Variants in TRPM1 observed in about 807,000 individuals in gnomAD.
TRPM1 encodes the protein TRPM1-203 APA Isoform, Intron 10.
TRPM1 carries 113 observed loss-of-function variants against 149.4 expected under a neutral mutation model. That is an observed-to-expected ratio of 0.76 (90% CI 0.65 to 0.88). TRPM1 has a LOEUF of 0.88. Ranked by LOEUF, TRPM1 falls within the 40% of genes least tolerant of loss-of-function variation. TRPM1 has a pLI of 0.00. For missense variants in TRPM1, 1,976 were observed against 2,038.7 expected, an observed-to-expected ratio of 0.97 and a Z score of 0.59; for synonymous variants, 741 against 759.5, an observed-to-expected ratio of 0.98 and a Z score of 0.40.
At chr15:31,003,182 G>C in intron 27 of TRPM1, 112 bp from the exon 28 acceptor site, 1 of 932,136 alleles carries the variant, frequency 1.1e-6, no homozygotes, top group Non-Finnish European at 1.6e-6. Context: ...ATATGGAACT[G>C]TTTGAGTATA....
intron 1 of TRPM1, among the ~76,000 whole-genome samples, chr15:31,149,240 T>G (rs2036261318): frequency 6.6e-6 from 1 of 152,154 alleles, no homozygotes; most frequent in Non-Finnish European, 1.5e-5. Flanking sequence ...GAAGGTGGCT[T>G]TCAGGACCCC....
intron 1 of TRPM1, among the ~76,000 whole-genome samples, chr15:31,145,142 A>G (rs979969924): frequency 7.2e-5 from 11 of 152,204 alleles, no homozygotes; most frequent in Admixed American, 5.2e-4. Flanking sequence ...CTGAAGTCCT[A>G]TAAGGTGAAG....
chr15:31,104,784 C>T (rs957882366), upstream of TRPM1, among the ~76,000 whole-genome samples: 2 of 151,922 alleles, frequency 1.3e-5, no homozygotes, highest in Admixed American at 1.3e-4. Context: ...TTAATAGAGA[C>T]TGGGTTTCAC....
intron 11 of TRPM1, among the ~76,000 whole-genome samples, chr15:31,055,496 G>T (rs2034057480): frequency 6.6e-6 from 1 of 152,196 alleles, no homozygotes; most frequent in African/African-American, 2.4e-5. Flanking sequence ...CATGTGGTGG[G>T]CAGAAGGCAT....
chr15:31,027,209 A>T (rs1595988675), intron 25 of TRPM1, 92 bp from the exon 26 acceptor site: 6 of 1,211,576 alleles, frequency 5.0e-6, no homozygotes, highest in Non-Finnish European at 7.1e-6. Flanking sequence ...AAGTGAAAAT[A>T]CTCAATGAGA....
rs1289882917 is a variant in TRPM1 at position 31,049,524 on chromosome 15, G to A, written c.1438-15C>T. ...AAAGCATTCACCTGCAGGGACCAAG[G>A]GCCGGGAGCCTGTGAGTGGCCTCTC... On this transcript the variant is annotated splice_polypyrimidine_tract_variant and intron_variant, in intron 12 of 27. Transcript: ENST00000256552. 1 of 1,613,188 alleles carries A rather than the reference G, an allele frequency of 6.2e-7. No individual in the cohort carries two copies. The highest frequency in any genetic ancestry group is 1.7e-5 in the Admixed American group (1 of 59,998).
At chr15:31,029,429 T>C (rs2032957376) in intron 23 of TRPM1, 38 bp from the exon 24 acceptor site, 1 of 1,611,722 alleles carries the variant, frequency 6.2e-7, no homozygotes, top group Non-Finnish European at 8.5e-7. Context: ...TTGTTTTGTT[T>C]TGTTTTGACA....
chr15:31,120,915 T>C (rs1053754145), intron 1 of TRPM1, among the ~76,000 whole-genome samples: 2 of 152,050 alleles, frequency 1.3e-5, no homozygotes, highest in African/African-American at 4.8e-5. Flanking sequence ...ATTTGTAGTA[T>C]TGAATGTATG....
intron 1 of TRPM1, among the ~76,000 whole-genome samples, chr15:31,095,976 G>A (rs1050783675): frequency 2.0e-5 from 3 of 151,976 alleles, no homozygotes; most frequent in African/African-American, 7.3e-5. Flanking sequence ...AACATGGGAG[G>A]TGAAGGTTGC....
intron 20 of TRPM1, among the ~76,000 whole-genome samples, chr15:31,036,146 A>G (rs2033357606): frequency 6.6e-6 from 1 of 152,080 alleles, no homozygotes; most frequent in Non-Finnish European, 1.5e-5. Context: ...AGCTGACCCT[A>G]GAGTCCCCTC....
chr15:31,002,353 T>C lies in TRPM1; in HGVS notation c.4347A>G (p.Glu1449=). The C allele has an allele frequency of 6.2e-7, 1 of 1,614,230 alleles. No homozygotes were observed. The highest frequency in any genetic ancestry group is 8.5e-7 in the Non-Finnish European group (1 of 1,180,038). The change falls in exon 28 of 28, where the codon GAA becomes GAG. Residue 1449 remains glutamate, a synonymous_variant. Coordinates refer to ENST00000256552, the MANE Select transcript of TRPM1 (RefSeq NM_001252024.2). ...TCATTGTTTTACAAGCATTGATCGT[T>C]TCATCGGGGAAATAGCGTGTAATTT... is the stretch of plus-strand genomic sequence containing the variant. The part of the protein sequence containing the change: ...ETKITRYFPD[E]TINACKTMKS...
At chr15:31,032,002 C>A (rs576720728) in intron 22 of TRPM1, among the ~76,000 whole-genome samples, 2 of 120,166 alleles carry the variant, frequency 1.7e-5, no homozygotes, top group African/African-American at 3.5e-5. Context: ...ATAAATCAGG[C>A]GGGGTTTTTT....
rs1184229533 is a variant in TRPM1 at position 31,032,922 on chromosome 15, C to T, written c.2719G>A (p.Gly907Ser). 12 of 1,614,152 alleles carry T rather than the reference C, an allele frequency of 7.4e-6. No individual in the cohort carries two copies. The highest frequency in any genetic ancestry group is 1.1e-5 in the South Asian group (1 of 91,076). The change falls in exon 22 of 28, where the codon GGC becomes AGC. Residue 907 changes from glycine to serine, a missense_variant. Physicochemically the swap from Gly to Ser is moderately conservative, Grantham distance 56. Around this residue, in one of 3 missense-constraint regions of TRPM1, gnomAD observed 1,332 missense variants for 1,347.1 expected, o/e 0.99. Transcript: ENST00000256552. ...KIREILMSEPGKLSQKIKVWL... is the reference protein window; with the variant it reads ...KIREILMSEPSKLSQKIKVWL... ...ACTTTGATTTTCTGGCTGAGTTTGC[C>T]TGGTTCTGACATGAGGATCTGAAAA...
At chr15:31,058,228 T>G (rs952023599) in intron 11 of TRPM1, among the ~76,000 whole-genome samples, 1 of 150,434 alleles carries the variant, frequency 6.6e-6, no homozygotes, top group African/African-American at 2.4e-5. Flanking sequence ...TCAAGGCAAA[T>G]GTTTGGAAGA....
chr15:31,025,091 T>C (rs1247155274), intron 27 of TRPM1, among the ~76,000 whole-genome samples: 1 of 152,206 alleles, frequency 6.6e-6, no homozygotes, highest in East Asian at 1.9e-4. Flanking sequence ...GTTTGGGAAC[T>C]GTCAGCTGCA....
chr15:31,126,840 G>A (rs2035957533), intron 1 of TRPM1, among the ~76,000 whole-genome samples: 1 of 152,134 alleles, frequency 6.6e-6, no homozygotes, highest in Non-Finnish European at 1.5e-5. Flanking sequence ...GGTGGCGAAC[G>A]CCTGCAATTC....
At chr15:31,027,416 G>T (rs578019060) in intron 25 of TRPM1, among the ~76,000 whole-genome samples, 1 of 152,052 alleles carries the variant, frequency 6.6e-6, no homozygotes. Context: ...TATGTGTAGC[G>T]GTATAAGCCA....
At chr15:31,161,146 G>A in exon 1 of TRPM1, 1 of 611,852 alleles carries the variant, frequency 1.6e-6, no homozygotes, top group Non-Finnish European at 2.9e-6. Context: ...CCGGAGGCTG[G>A]TTCAGCCTAG....
intron 16 of TRPM1, 190 bp from the exon 17 acceptor site, chr15:31,042,433 T>C (rs1464839980): frequency 6.0e-6 from 4 of 666,032 alleles, no homozygotes. Flanking sequence ...AAGTAAACTA[T>C]CTAAAACCAA....
Sources: allele counts gnomAD v4.1 joint callset (sites outside exome capture counted in the v4.1 genomes callset), GRCh38; gene constraint gnomAD v4.1.1; regional missense constraint gnomAD v4.1.1; transcripts MANE v1.5; gene names NCBI Gene and HGNC (gene_info 2026-07-23, HGNC 2026-07-21).